The following SGMS2 variants were observed in gnomAD, a reference collection of about 807,000 sequenced individuals.
SGMS2 encodes the protein phosphatidylcholine:ceramide cholinephosphotransferase 2.
Under a neutral mutation model 43.8 loss-of-function variants are expected in SGMS2, and 21 were observed. The observed-to-expected ratio is 0.48, with a 90% CI of 0.34 to 0.69. The LOEUF is 0.69. Ranked by LOEUF, SGMS2 falls within the 30% of genes least tolerant of loss-of-function variation. The pLI, the probability that SGMS2 is intolerant of heterozygous loss-of-function variation, is 0.01. For synonymous variants in SGMS2, 167 were observed against 160.6 expected, an observed-to-expected ratio of 1.04 and a Z score of -0.30; for missense variants, 384 against 443.2, an observed-to-expected ratio of 0.87 and a Z score of 1.20.
intron 1 of SGMS2, among the ~76,000 whole-genome samples, chr4:107,841,324 T>G (rs1266585593): frequency 6.6e-6 from 1 of 152,150 alleles, no homozygotes; most frequent in African/African-American, 2.4e-5. Context: ...TTCCCAAATC[T>G]TTTTTTCATT....
intron 1 of SGMS2, among the ~76,000 whole-genome samples, chr4:107,841,323 C>CT (rs1323758275): frequency 2.6e-5 from 4 of 152,154 alleles, no homozygotes; most frequent in Admixed American, 2.0e-4. Context: ...TTTCCCAAAT[C>CT]TTTTTTTCAT....
intron 2 of SGMS2, among the ~76,000 whole-genome samples, chr4:107,878,560 C>G (rs1440451042): frequency 6.6e-6 from 1 of 152,150 alleles, no homozygotes; most frequent in African/African-American, 2.4e-5. Context: ...AACATACCTA[C>G]CTATCTAGTT....
intron 2 of SGMS2, among the ~76,000 whole-genome samples, chr4:107,871,916 C>G (rs1728582240): frequency 6.6e-6 from 1 of 151,838 alleles, no homozygotes; most frequent in Non-Finnish European, 1.5e-5. Flanking sequence ...TTTAAAAAAC[C>G]TAATATGCGT....
intron 1 of SGMS2, among the ~76,000 whole-genome samples, chr4:107,853,592 C>T (rs1268835979): frequency 6.6e-6 from 1 of 152,176 alleles, no homozygotes; most frequent in Admixed American, 6.5e-5. Context: ...ACTTCAGTGA[C>T]TTCCTTATCT....
At chr4:107,904,724 C>T (rs1731405702) in intron 5 of SGMS2, among the ~76,000 whole-genome samples, 1 of 152,132 alleles carries the variant, frequency 6.6e-6, no homozygotes, top group African/African-American at 2.4e-5. Flanking sequence ...TGTCTCTGCA[C>T]CATCATCAGA....
chr4:107,885,791 T>C (rs1729702105), intron 2 of SGMS2, among the ~76,000 whole-genome samples: 1 of 152,196 alleles, frequency 6.6e-6, no homozygotes, highest in Admixed American at 6.5e-5. Flanking sequence ...AGTATCCTTA[T>C]AGAATCAGTA....
chr4:107,852,340 T>A (rs1275307919), intron 1 of SGMS2, among the ~76,000 whole-genome samples: 1 of 151,924 alleles, frequency 6.6e-6, no homozygotes, highest in Non-Finnish European at 1.5e-5. Flanking sequence ...GCCTCCCAAG[T>A]CATAATAATT....
intron 2 of SGMS2, among the ~76,000 whole-genome samples, chr4:107,877,913 C>CTTTTCTTTTTT (rs1729041526): frequency 5.9e-5 from 6 of 102,184 alleles, no homozygotes; most frequent in Non-Finnish European, 9.7e-5. Flanking sequence ...TTTTTCTTTT[C>CTTTTCTTTTTT]TTTTTTTTTT....
intron 2 of SGMS2, among the ~76,000 whole-genome samples, chr4:107,869,272 ACAT>A (rs1728373583): frequency 6.6e-6 from 1 of 152,134 alleles, no homozygotes; most frequent in Admixed American, 6.5e-5. Context: ...GGAGGATATG[ACAT>A]CTGCTGAGAC....
intron 2 of SGMS2, among the ~76,000 whole-genome samples, chr4:107,874,455 T>C (rs1001419818): frequency 1.1e-4 from 17 of 152,214 alleles, no homozygotes; most frequent in African/African-American, 3.9e-4. Context: ...GCTCTAGAGC[T>C]AGCAACATAG....
intron 1 of SGMS2, among the ~76,000 whole-genome samples, chr4:107,830,738 T>C (rs1042271061): frequency 2.6e-5 from 4 of 152,130 alleles, no homozygotes; most frequent in African/African-American, 9.7e-5. Flanking sequence ...TTTTTTTTGC[T>C]TGTAAATGTT....
chr4:107,832,839 G>A (rs950441554), intron 1 of SGMS2, among the ~76,000 whole-genome samples: 5 of 152,034 alleles, frequency 3.3e-5, no homozygotes, highest in African/African-American at 4.8e-5. Context: ...ACCAGCCCAG[G>A]CAACATGATG....
chr4:107,838,201 T>C (rs1488056462), intron 1 of SGMS2, among the ~76,000 whole-genome samples: 3 of 152,182 alleles, frequency 2.0e-5, no homozygotes, highest in Non-Finnish European at 4.4e-5. Context: ...GAACCAAATG[T>C]TTAAGACAGG....
At chr4:107,831,689 A>AGT (rs1725898799) in intron 1 of SGMS2, among the ~76,000 whole-genome samples, 1 of 152,258 alleles carries the variant, frequency 6.6e-6, no homozygotes, top group African/African-American at 2.4e-5. Context: ...TCCACATTCA[A>AGT]GTGTTACATC....
intron 2 of SGMS2, chr4:107,867,910 C>T (rs1728250053): frequency 1.3e-5 from 2 of 152,028 alleles, no homozygotes; most frequent in Non-Finnish European, 2.9e-5. Flanking sequence ...GAATCGAGCA[C>T]AGGCTATATA....
intron 2 of SGMS2, among the ~76,000 whole-genome samples, chr4:107,887,505 A>T (rs553245608): frequency 2.6e-5 from 4 of 152,320 alleles, no homozygotes; most frequent in African/African-American, 9.6e-5. Context: ...AAAACCAAAC[A>T]TCATTTTATA....
rs530715875 is a variant in SGMS2, at chr4:107,906,531, G to T, written c.728-2034G>T. ...CTAGGGCTAGAATTCCACACAGACA[G>T]TGATGTTAGCTATTATTTGTGTCAT... On this transcript the variant is annotated intron_variant, in intron 5 of 6. Coordinates refer to ENST00000690982, the MANE Select transcript of SGMS2 (RefSeq NM_001375905.1). Among the ~76,000 whole-genome samples, 388 of 152,336 alleles carry T rather than the reference G, an allele frequency of 2.5e-3. 3 individuals are homozygous for T. Among genetic ancestry groups the T allele is most frequent in the Non-Finnish European group, 4.3e-3 (290 of 68,022 alleles).
At chr4:107,873,210 TC>T (rs1406226866) in intron 2 of SGMS2, 3 of 152,188 alleles carry the variant, frequency 2.0e-5, no homozygotes, top group Non-Finnish European at 4.4e-5. Flanking sequence ...TGTAGGAAGT[TC>T]TTATTATTGG....
At chr4:107,861,666 A>C (rs1727740526) in intron 2 of SGMS2, among the ~76,000 whole-genome samples, 1 of 152,218 alleles carries the variant, frequency 6.6e-6, no homozygotes, top group Admixed American at 6.5e-5. Flanking sequence ...TTTTCCTTAA[A>C]TATGCCTTTC....
Sources: gnomAD v4.1 joint callset for allele counts (sites outside exome capture counted in the v4.1 genomes callset) on GRCh38, gnomAD v4.1.1 for gene constraint, MANE v1.5 for transcripts, NCBI Gene and HGNC (gene_info 2026-07-23, HGNC 2026-07-21) for gene names.